The following RBFOX1 variants were observed in gnomAD, a reference collection of about 807,000 sequenced individuals.
The protein encoded by RBFOX1 is RNA binding fox-1 homolog 1.
Under a neutral mutation model 57.7 loss-of-function variants are expected in RBFOX1, and 8 were observed. That is an observed-to-expected ratio of 0.14 (90% CI 0.08 to 0.25). The LOEUF (loss-of-function observed/expected upper bound fraction) is 0.25, where lower values mean the gene tolerates loss of function less well. Ranked by LOEUF, RBFOX1 falls within the 10% of genes least tolerant of loss-of-function variation. The pLI is 1.00. For synonymous variants in RBFOX1, 326 were observed against 222.4 expected (o/e 1.47, Z -4.15); for missense variants, 611 against 548.5 (o/e 1.11, Z -1.14).
At chr16:5,830,256 C>G (rs753048381) in intron 3 of RBFOX1, among the ~76,000 whole-genome samples, 8 of 152,166 alleles carry the variant, frequency 5.3e-5, no homozygotes, top group Non-Finnish European at 1.0e-4. Context: ...GTTGGTTCAG[C>G]TTTCCTATGC....
intron 4 of RBFOX1, among the ~76,000 whole-genome samples, chr16:7,399,793 C>T (rs904928523): frequency 6.6e-6 from 1 of 152,204 alleles, no homozygotes; most frequent in African/African-American, 2.4e-5. Flanking sequence ...GTCATAGTCA[C>T]AGGCACGAGG....
chr16:5,240,067 G>A (rs752884564), exon 1 of RBFOX1: 74 of 1,531,940 alleles, frequency 4.8e-5, no homozygotes, highest in Non-Finnish European at 6.3e-5. Flanking sequence ...GCCGGGCAGG[G>A]AGGAGACCGG....
At chr16:5,502,747 C>A (rs1468106998) in intron 2 of RBFOX1, among the ~76,000 whole-genome samples, 1 of 152,166 alleles carries the variant, frequency 6.6e-6, no homozygotes, top group Admixed American at 6.5e-5. Flanking sequence ...GCAGAGTCTG[C>A]AGTGCACCAG....
chr16:5,652,980 G>C (rs907774613), intron 3 of RBFOX1, among the ~76,000 whole-genome samples: 1 of 152,240 alleles, frequency 6.6e-6, no homozygotes, highest in African/African-American at 2.4e-5. Flanking sequence ...CACTCAACCT[G>C]CTGAGCTGCT....
chr16:5,855,320 T>C (rs1456378042), intron 3 of RBFOX1, among the ~76,000 whole-genome samples: 1 of 152,234 alleles, frequency 6.6e-6, no homozygotes. Context: ...AAGAAGGTTT[T>C]CCACTTTGTT....
intron 2 of RBFOX1, among the ~76,000 whole-genome samples, chr16:6,459,516 A>G (rs1597546121): frequency 6.6e-6 from 1 of 152,182 alleles, no homozygotes; most frequent in East Asian, 1.9e-4. Flanking sequence ...ATCGCTTTAG[A>G]GCTGATCAGT....
At chr16:6,514,827 C>G (rs920588354) in intron 2 of RBFOX1, among the ~76,000 whole-genome samples, 1 of 151,710 alleles carries the variant, frequency 6.6e-6, no homozygotes, top group Non-Finnish European at 1.5e-5. Flanking sequence ...CATGGATCCG[C>G]CCTCCCTTGT....
At chr16:7,303,393 A>G (rs978663285) in intron 4 of RBFOX1, among the ~76,000 whole-genome samples, 1 of 152,092 alleles carries the variant, frequency 6.6e-6, no homozygotes, top group Non-Finnish European at 1.5e-5. Flanking sequence ...TTTATTTGGC[A>G]AGGAATCCGG....
chr16:7,480,538 A>G (rs1259506334), intron 4 of RBFOX1, among the ~76,000 whole-genome samples: 1 of 152,164 alleles, frequency 6.6e-6, no homozygotes, highest in Non-Finnish European at 1.5e-5. Flanking sequence ...CATATATGGT[A>G]TTTACTTTGG....
chr16:6,104,891 C>T (rs2096359967), intron 1 of RBFOX1, among the ~76,000 whole-genome samples: 1 of 152,142 alleles, frequency 6.6e-6, no homozygotes, highest in Admixed American at 6.6e-5. Context: ...AAAGGCAAAC[C>T]TAACGTTGAT....
At chr16:5,551,406 A>G (rs887592043) in intron 2 of RBFOX1, among the ~76,000 whole-genome samples, 1 of 152,194 alleles carries the variant, frequency 6.6e-6, no homozygotes, top group Non-Finnish European at 1.5e-5. Context: ...AGCTGCTAGT[A>G]TATGCACAGG....
At chr16:6,192,520 C>A (rs1363645002) in intron 1 of RBFOX1, among the ~76,000 whole-genome samples, 2 of 152,136 alleles carry the variant, frequency 1.3e-5, no homozygotes, top group Non-Finnish European at 2.9e-5. Flanking sequence ...AGCTCACACA[C>A]CGTTTTACCT....
intron 5 of RBFOX1, among the ~76,000 whole-genome samples, chr16:7,559,598 A>G (rs955155138): frequency 2.6e-5 from 4 of 152,222 alleles, no homozygotes; most frequent in Non-Finnish European, 4.4e-5. Flanking sequence ...CACCCAATCC[A>G]AGGCTTGCAC....
At chr16:7,240,146 C>T (rs144534614) in intron 4 of RBFOX1, among the ~76,000 whole-genome samples, 4 of 151,886 alleles carry the variant, frequency 2.6e-5, no homozygotes, top group African/African-American at 9.7e-5. Context: ...TTTGTATTTT[C>T]AGTAGCGAAA....
At chr16:6,263,445 T>C (rs946657960) in intron 1 of RBFOX1, among the ~76,000 whole-genome samples, 4 of 152,160 alleles carry the variant, frequency 2.6e-5, no homozygotes, top group African/African-American at 9.7e-5. Context: ...AGTAAACTTA[T>C]TTGGAGGTAC....
Position 6,657,206 on chromosome 16 carries a change from T to C in RBFOX1, c.-16+2556T>C, listed in dbSNP as rs980061903. On this transcript the variant is annotated intron_variant, in intron 3 of 15. Coordinates refer to ENST00000550418, the MANE Select transcript of RBFOX1 (RefSeq NM_018723.4). The stretch of plus-strand genomic sequence containing the variant: ...TCCTTTCCTTCCCACTTTCTCGTCT[T>C]CCTTCCTCCCTCCTTCCTTCCTTCT... Among the ~76,000 whole-genome samples, 5 of 151,720 alleles carry C rather than the reference T, an allele frequency of 3.3e-5. No homozygotes were observed. The South Asian group carries it at 1.0e-3, about 32-fold the overall frequency.
chr16:6,801,606 A>C (rs778348827), intron 3 of RBFOX1, among the ~76,000 whole-genome samples: 1 of 151,648 alleles, frequency 6.6e-6, no homozygotes, highest in South Asian at 2.1e-4. Flanking sequence ...TGGCCAGGAG[A>C]CTCATGTGTC....
chr16:5,639,786 T>C (rs1460479951), intron 3 of RBFOX1, among the ~76,000 whole-genome samples: 1 of 152,162 alleles, frequency 6.6e-6, no homozygotes, highest in East Asian at 1.9e-4. Context: ...GTGGGTGTGG[T>C]TTCCAGTCCC....
chr16:6,190,760 T>C (rs1468694042), intron 1 of RBFOX1, among the ~76,000 whole-genome samples: 2 of 152,156 alleles, frequency 1.3e-5, no homozygotes, highest in Non-Finnish European at 2.9e-5. Flanking sequence ...TGCAGCAAAA[T>C]ATGGTGCTCA....
Sources: gnomAD v4.1 joint callset for allele counts (sites outside exome capture counted in the v4.1 genomes callset) on GRCh38, gnomAD v4.1.1 for gene constraint, MANE v1.5 for transcripts, NCBI Gene and HGNC (gene_info 2026-07-23, HGNC 2026-07-21) for gene names.